SLC38A8: variants seen among roughly 807,000 people sequenced by gnomAD.
SLC38A8 encodes the protein solute carrier family 38 member 8, also known as amino acid transporter SLC38A8.
Under a neutral mutation model 46.0 loss-of-function variants are expected in SLC38A8, and 65 were observed. The observed-to-expected ratio is 1.41, with a 90% CI of 1.16 to 1.74. The LOEUF (loss-of-function observed/expected upper bound fraction) is 1.74. Ranked by LOEUF, SLC38A8 falls within the 40% of genes most tolerant of loss-of-function variation. The pLI, the probability that SLC38A8 is intolerant of heterozygous loss-of-function variation, is 0.00. For synonymous variants in SLC38A8, 447 were observed against 243.7 expected, an observed-to-expected ratio of 1.83 and a Z score of -7.77; for missense variants, 998 against 567.9, an observed-to-expected ratio of 1.76 and a Z score of -7.70.
chr16:84,021,140 G>A (rs980920210), intron 7 of SLC38A8, among the ~76,000 whole-genome samples: 5 of 152,108 alleles, frequency 3.3e-5, no homozygotes, highest in African/African-American at 7.2e-5. Context: ...TCAGCTCACT[G>A]CAACCTCCAG....
rs567903616 is a variant in SLC38A8 at position 84,033,674 on chromosome 16, C to T, written c.389-205G>A. On this transcript the variant is annotated intron_variant, in intron 3 of 10. Coordinates refer to ENST00000299709, the MANE Select transcript of SLC38A8 (RefSeq NM_001080442.3). ...CTGACACATGAATTCATTCAACAAA[C>T]ATTCGCTGGGCTCCTTCCCCAAGCC... is the stretch of plus-strand genomic sequence containing the variant. Among the ~76,000 whole-genome samples the T allele has an allele frequency of 2.2e-4, 33 of 152,306 alleles. 2 individuals carry two copies. The South Asian group carries it at 6.6e-3, about 31-fold the overall frequency.
At chr16:84,028,980 G>C (rs565082826) in intron 6 of SLC38A8, among the ~76,000 whole-genome samples, 2 of 152,208 alleles carry the variant, frequency 1.3e-5, no homozygotes, top group African/African-American at 4.8e-5. Flanking sequence ...TAAAAATTCT[G>C]TATTTCTGCC....
chr16:84,038,864 G>A (rs1400853977), intron 2 of SLC38A8, among the ~76,000 whole-genome samples: 1 of 152,204 alleles, frequency 6.6e-6, no homozygotes, highest in East Asian at 1.9e-4. Context: ...TTGCTAAAAG[G>A]CCATTGTCTG....
At chr16:84,023,316 C>G (rs1263622305) in intron 6 of SLC38A8, among the ~76,000 whole-genome samples, 1 of 152,170 alleles carries the variant, frequency 6.6e-6, no homozygotes, top group African/African-American at 2.4e-5. Flanking sequence ...AGGAGCAGGA[C>G]TTGCATCAGG....
At chr16:84,022,971 G>A (rs576996281) in intron 6 of SLC38A8, 82 bp from the exon 7 acceptor site, 81 of 915,480 alleles carry the variant, frequency 8.8e-5, no homozygotes, top group East Asian at 5.0e-4. Flanking sequence ...TCCAAAAGGC[G>A]GGAAATGTGG....
At chr16:84,012,921 G>A (rs999299344) in intron 10 of SLC38A8, 80 bp downstream of exon 10, 6 of 1,451,800 alleles carry the variant, frequency 4.1e-6, no homozygotes, top group Middle Eastern at 1.8e-4. Flanking sequence ...ATGAGAAATA[G>A]GATCTGCAGG....
intron 2 of SLC38A8, among the ~76,000 whole-genome samples, chr16:84,038,698 G>T (rs1044626196): frequency 6.6e-6 from 1 of 152,176 alleles, no homozygotes; most frequent in Admixed American, 6.5e-5. Flanking sequence ...GCCACACCCC[G>T]GACGGTGCCA....
chr16:84,020,856 G>A (rs983993040), intron 7 of SLC38A8, among the ~76,000 whole-genome samples: 5 of 152,112 alleles, frequency 3.3e-5, no homozygotes, highest in Admixed American at 3.3e-4. Context: ...CACAACCTTG[G>A]TTTCCTATAC....
chr16:84,010,929 G>A (rs184409939), intron 10 of SLC38A8, among the ~76,000 whole-genome samples: 1 of 152,156 alleles, frequency 6.6e-6, no homozygotes, highest in Non-Finnish European at 1.5e-5. Context: ...GCTGGGACTG[G>A]CAGCCACCGA....
rs1408475630 is a variant in SLC38A8 at position 84,042,090 on chromosome 16, G to C, written c.68C>G (p.Thr23Ser). ...GAAGACAGCGCCCATCGAGGACAGAGTGGCAGCAGCCGTGGCAGGGTGAGG... is the reference window on the plus strand; with the variant it reads ...GAAGACAGCGCCCATCGAGGACAGACTGGCAGCAGCCGTGGCAGGGTGAGG... Reference protein sequence around the residue: ...EKPHPATAAATLSSMGAVFIL... With the variant: ...EKPHPATAAASLSSMGAVFIL... Residue 23 changes from threonine (T) to serine (S), a missense_variant, in exon 2 of 11, where the codon ACT becomes AGT. Thr to Ser is a moderately conservative substitution (Grantham distance 58). Coordinates refer to ENST00000299709, the MANE Select transcript of SLC38A8 (RefSeq NM_001080442.3). The C allele has an allele frequency of 1.9e-6, 3 of 1,614,108 alleles. No individual in the cohort carries two copies. Among genetic ancestry groups the C allele is most frequent in the South Asian group, 1.1e-5 (1 of 91,076 alleles).
chr16:84,009,893 A>G lies in SLC38A8; in HGVS notation c.1215-16T>C, dbSNP rs2084934680. 3.7e-6 allele frequency: 6 copies of G among 1,608,200 alleles called. No homozygotes were observed. The highest frequency in any genetic ancestry group is 5.1e-6 in the Non-Finnish European group (6 of 1,177,820). ...CAGGCAGCACCTGCCAAGTGAATAA[A>G]CCCATGTCAGAGCTTTTCTGGATTT... On this transcript the variant is annotated splice_polypyrimidine_tract_variant and intron_variant, in intron 10 of 10. Transcript: ENST00000299709.
chr16:84,016,460 C>T (rs914189000), intron 9 of SLC38A8, 59 bp downstream of exon 9: 1 of 1,577,520 alleles, frequency 6.3e-7, no homozygotes, highest in African/African-American at 1.3e-5. Context: ...CTGGGAGTCC[C>T]CACAGAGATG....
At chr16:84,015,790 C>G (rs528236884) in intron 9 of SLC38A8, among the ~76,000 whole-genome samples, 12 of 152,210 alleles carry the variant, frequency 7.9e-5, no homozygotes, top group Non-Finnish European at 1.6e-4. Context: ...CCTGCAACCT[C>G]CGCCTCCCGG....
intron 1 of SLC38A8, 93 bp downstream of exon 1, chr16:84,042,458 T>C (rs536896702): frequency 3.6e-4 from 96 of 265,644 alleles, no homozygotes; most frequent in Admixed American, 8.0e-4. Context: ...ACCTTCCTCA[T>C]CCCCATCAAT....
At chr16:84,027,888 A>G (rs1473718878) in intron 6 of SLC38A8, among the ~76,000 whole-genome samples, 2 of 152,200 alleles carry the variant, frequency 1.3e-5, no homozygotes, top group African/African-American at 4.8e-5. Flanking sequence ...TCTTAAACTC[A>G]GTCCAGACAA....
rs1225624469 is a variant in SLC38A8 at position 84,018,572 on chromosome 16, G to C, written c.806-1285C>G. ...CTAGTGCCATGCCCATAACCCATCA[G>C]TCCATTAACCCATTAATCCATTAAG... On this transcript the variant is annotated intron_variant, in intron 7 of 10. Transcript: ENST00000299709. Among the ~76,000 whole-genome samples, 9 of 152,164 alleles carry C rather than the reference G, an allele frequency of 5.9e-5. No homozygotes were observed. In the East Asian group the frequency reaches 1.5e-3, roughly 26 times the overall value.
Position 84,014,026 on chromosome 16 carries a change from G to C in SLC38A8, c.1163-974C>G, listed in dbSNP as rs114569984. Among the ~76,000 whole-genome samples the C allele has an allele frequency of 7.0e-3, 1,061 of 151,748 alleles. 17 individuals are homozygous for C. The highest frequency in any genetic ancestry group is 0.025 in the African/African-American group (1,033 of 41,360). Reference sequence around the variant, plus strand: ...CCCTCAGCCCTGAAAGCCCCGCCCAGAGCCTGAGGGAAGGGCTGTGTGACC... The same window carrying C: ...CCCTCAGCCCTGAAAGCCCCGCCCACAGCCTGAGGGAAGGGCTGTGTGACC... On this transcript the variant is annotated intron_variant, in intron 9 of 10. Transcript: ENST00000299709.
At chr16:84,013,345 G>A (rs1022611171) in intron 9 of SLC38A8, among the ~76,000 whole-genome samples, 4 of 151,478 alleles carry the variant, frequency 2.6e-5, no homozygotes, top group East Asian at 2.0e-4. Context: ...TCTATGAGGA[G>A]ATGGTGAGAG....
intron 2 of SLC38A8, chr16:84,041,079 C>T (rs2085361763): frequency 6.6e-6 from 1 of 152,280 alleles, no homozygotes; most frequent in African/African-American, 2.4e-5. Flanking sequence ...CAAAATGCAG[C>T]AATTCATTCC....
Sources: gnomAD v4.1 joint callset for allele counts (sites outside exome capture counted in the v4.1 genomes callset) on GRCh38, gnomAD v4.1.1 for gene constraint, MANE v1.5 for transcripts, NCBI Gene and HGNC (gene_info 2026-07-23, HGNC 2026-07-21) for gene names.